Variants in CLGN observed in about 807,000 individuals in gnomAD.
CLGN encodes calmegin.
CLGN carries 62 observed loss-of-function variants against 79.1 expected under a neutral mutation model. That is an observed-to-expected ratio of 0.78 (90% CI 0.64 to 0.97). The LOEUF is 0.97. Among genes scored for constraint, CLGN ranks in the 50% least tolerant of loss-of-function variants. The pLI is 0.00. For synonymous variants in CLGN, 225 were observed against 224.7 expected (o/e 1.00, Z -0.01); for missense variants, 647 against 715.5 (o/e 0.90, Z 1.09).
chr4:140,412,468 G>A (rs918891830), intron 2 of CLGN, among the ~76,000 whole-genome samples: 1 of 152,076 alleles, frequency 6.6e-6, no homozygotes, highest in African/African-American at 2.4e-5. Context: ...AGAGAAACAC[G>A]AGTCAGGTTT....
intron 5 of CLGN, among the ~76,000 whole-genome samples, chr4:140,403,935 A>C (rs1729043552): frequency 6.6e-6 from 1 of 152,192 alleles, no homozygotes. Flanking sequence ...TTGTTCCATG[A>C]AATAGCAATT....
At chr4:140,426,514 C>T (rs1484541993) in intron 1 of CLGN, among the ~76,000 whole-genome samples, 1 of 152,236 alleles carries the variant, frequency 6.6e-6, no homozygotes, top group African/African-American at 2.4e-5. Flanking sequence ...GAAGGCAAAA[C>T]TCCAAACTGA....
chr4:140,399,487 C>T (rs1235662093), intron 7 of CLGN, among the ~76,000 whole-genome samples: 2 of 152,146 alleles, frequency 1.3e-5, no homozygotes, highest in African/African-American at 2.4e-5. Context: ...CCCCCAAATG[C>T]CTAGTTTTTT....
intron 2 of CLGN, among the ~76,000 whole-genome samples, 180 bp from the exon 3 acceptor site, chr4:140,410,806 A>C (rs1382528529): frequency 1.3e-5 from 2 of 152,050 alleles, no homozygotes; most frequent in Non-Finnish European, 2.9e-5. Context: ...AGAAAATATA[A>C]CAAATACCAT....
intron 8 of CLGN, 105 bp downstream of exon 8, chr4:140,398,746 C>T: frequency 2.1e-6 from 2 of 948,188 alleles, no homozygotes; most frequent in Non-Finnish European, 3.2e-6. Flanking sequence ...ATAAGTAGTT[C>T]TGATGTTTAA....
intron 6 of CLGN, 52 bp downstream of exon 6, chr4:140,401,932 TA>T: frequency 1.0e-6 from 1 of 987,910 alleles, no homozygotes; most frequent in Non-Finnish European, 1.5e-6. Flanking sequence ...ATTTGTTCCT[TA>T]AAAATACTTA....
In CLGN at chr4:140,402,021, G is replaced by A; in HGVS notation, c.465C>T (p.Tyr155=). The change falls in exon 6 of 15, where the codon TAC becomes TAT. Residue 155 remains tyrosine (Y), a synonymous_variant. Coordinates refer to ENST00000325617, the MANE Select transcript of CLGN (RefSeq NM_004362.3). The part of the protein sequence containing the change: ...FQDGIDCGGA[Y]IKLLADTDDL... Reference sequence around the variant, plus strand: ...CATCAGTGTCTGCTAGGAGTTTAATGTATGCACCTCCACAATCAATACCAT... The same window carrying A: ...CATCAGTGTCTGCTAGGAGTTTAATATATGCACCTCCACAATCAATACCAT... 6.3e-7 allele frequency: 1 copy of A among 1,584,862 alleles called. No homozygotes were observed. Among genetic ancestry groups the A allele is most frequent in the South Asian group, 1.2e-5 (1 of 86,314 alleles).
At chr4:140,396,690 G>A (rs934838551) in intron 8 of CLGN, among the ~76,000 whole-genome samples, 11 of 151,234 alleles carry the variant, frequency 7.3e-5, no homozygotes, top group African/African-American at 2.7e-4. Flanking sequence ...CAGAGTAGCT[G>A]GGATTACAGG....
rs1201084319 is a variant in CLGN, at chr4:140,413,807, A to C, written c.-9-720T>G. Among the ~76,000 whole-genome samples the C allele has an allele frequency of 1.3e-5, 2 of 152,230 alleles. 1 individual carries two copies. Among genetic ancestry groups the C allele is most frequent in the Non-Finnish European group, 2.9e-5 (2 of 68,036 alleles). On this transcript the variant is annotated intron_variant, in intron 1 of 14. Transcript: ENST00000325617. ...GGGCGCCCGCCATTGCCCAGGCTTGATTAGGTAAACAAGGCAGCCTGGAAG... is the reference window on the plus strand; with the variant it reads ...GGGCGCCCGCCATTGCCCAGGCTTGCTTAGGTAAACAAGGCAGCCTGGAAG...
chr4:140,405,063 T>C lies in CLGN; in HGVS notation c.419+879A>G, dbSNP rs565171727. The stretch of plus-strand genomic sequence containing the variant: ...AGACACTGGTATTCATAAACATTTA[T>C]TTTTGAAATAAATTTTCTGCCTTTG... On this transcript the variant is annotated intron_variant, in intron 5 of 14. Transcript: ENST00000325617. Among the ~76,000 whole-genome samples the C allele has an allele frequency of 1.6e-4, 25 of 152,288 alleles. No homozygotes were observed. The South Asian group carries it at 4.6e-3, about 28-fold the overall frequency.
chr4:140,414,111 G>T (rs983868402), intron 1 of CLGN, among the ~76,000 whole-genome samples: 2 of 152,132 alleles, frequency 1.3e-5, no homozygotes, highest in East Asian at 3.9e-4. Context: ...ACACGGCAGG[G>T]TATTCCAACA....
intron 12 of CLGN, 54 bp from the exon 13 acceptor site, chr4:140,392,432 G>GT (rs1208563376): frequency 6.5e-6 from 10 of 1,530,116 alleles, no homozygotes; most frequent in South Asian, 3.7e-5. Context: ...TATTTTGAAA[G>GT]TTTTTTTGCA....
rs985886622 is a variant in CLGN, at chr4:140,400,158, T to G, written c.694+199A>C. ...GCTGGAAGTAATATTGCTTGTGAAC[T>G]CTTAGCTGTGCCTCATCTCTCTTTC... On this transcript the variant is annotated intron_variant, in intron 7 of 14. Coordinates refer to ENST00000325617, the MANE Select transcript of CLGN (RefSeq NM_004362.3). 2.0e-5 allele frequency among the ~76,000 whole-genome samples: 3 copies of G among 152,196 alleles called. No homozygotes were observed. In the South Asian group the frequency reaches 6.2e-4, roughly 32 times the overall value.
Position 140,400,535 on chromosome 4 carries a change from A to G in CLGN, c.516T>C (p.Asp172=). The change falls in exon 7 of 15, where the codon GAT becomes GAC. Residue 172 remains aspartate (D), a synonymous_variant. Transcript: ENST00000325617. ...TDDLILENFY[D]KTSYIIMFGP... The stretch of plus-strand genomic sequence containing the variant: ...CAAACATAATGATATAGGATGTTTT[A>G]TCATAAAAGTTTTCCTTCAAAGAGA... The G allele has an allele frequency of 1.3e-6, 2 of 1,588,434 alleles. No individual in the cohort carries two copies. The highest frequency in any genetic ancestry group is 1.7e-6 in the Non-Finnish European group (2 of 1,164,356).
intron 14 of CLGN, 50 bp downstream of exon 14, chr4:140,390,578 A>G: frequency 7.7e-7 from 1 of 1,295,404 alleles, no homozygotes. Flanking sequence ...TATTGAAAAA[A>G]CTTTTTATGG....
At chr4:140,413,439 A>C (rs1440853447) in intron 1 of CLGN, among the ~76,000 whole-genome samples, 1 of 152,176 alleles carries the variant, frequency 6.6e-6, no homozygotes, top group Admixed American at 6.5e-5. Context: ...TTTCCATCTG[A>C]GGTACTGGGT....
chr4:140,390,877 T>C (rs1039851410), intron 13 of CLGN, 149 bp from the exon 14 acceptor site: 1 of 406,972 alleles, frequency 2.5e-6, no homozygotes, highest in Non-Finnish European at 4.3e-6. Flanking sequence ...ATTTTAAAAA[T>C]TATAAATACT....
Position 140,392,383 on chromosome 4 carries a change from G to A in CLGN, c.1492-5C>T. On this transcript the variant is annotated splice_polypyrimidine_tract_variant and splice_region_variant and intron_variant, in intron 12 of 14. Transcript: ENST00000325617. ...CTCTGTATCTTTATGTTTTTTCTGT[G>A]GTAGTTAACATAAGTTATTTTTACT... The A allele has an allele frequency of 6.3e-7, 1 of 1,580,250 alleles. No homozygotes were observed. Among genetic ancestry groups the A allele is most frequent in the Non-Finnish European group, 8.6e-7 (1 of 1,168,782 alleles).
intron 10 of CLGN, among the ~76,000 whole-genome samples, chr4:140,395,158 T>TA (rs1728848033): frequency 1.1e-5 from 1 of 89,810 alleles, no homozygotes; most frequent in Non-Finnish European, 3.0e-5. Context: ...TTTGTTTTTT[T>TA]GTTTTTTTGT....
Sources: gnomAD v4.1 joint callset for allele counts (sites outside exome capture counted in the v4.1 genomes callset) on GRCh38, gnomAD v4.1.1 for gene constraint, MANE v1.5 for transcripts, NCBI Gene and HGNC (gene_info 2026-07-23, HGNC 2026-07-21) for gene names.